TTLL8: variants seen among roughly 807,000 people sequenced by gnomAD.
TTLL8 encodes protein monoglycylase TTLL8.
A neutral mutation model predicts 77.8 loss-of-function variants in TTLL8; 65 were observed. That is an observed-to-expected ratio of 0.84 (90% CI 0.68 to 1.03). TTLL8 has a LOEUF of 1.03. Ranked by LOEUF, TTLL8 falls within the 50% of genes least tolerant of loss-of-function variation. The pLI, the probability that TTLL8 is intolerant of heterozygous loss-of-function variation, is 0.00. For missense variants in TTLL8, 910 were observed against 1,004.5 expected (o/e 0.91, Z 1.27); for synonymous variants, 402 against 422.8 (o/e 0.95, Z 0.60).
intron 12 of TTLL8, among the ~76,000 whole-genome samples, chr22:50,020,613 C>A (rs947805315): frequency 7.3e-6 from 1 of 136,080 alleles, no homozygotes. Flanking sequence ...CTCCATCTAA[C>A]GACGTGTACC....
At chr22:50,045,865 C>T (rs1354589823) in exon 5 of TTLL8, 2 of 1,351,422 alleles carry the variant, frequency 1.5e-6, no homozygotes, top group Non-Finnish European at 2.0e-6. Flanking sequence ...CCCAGGAACT[C>T]CTGCTGCTCA....
At chr22:50,031,902 G>A (rs1398018534) in exon 11 of TTLL8, 7 of 1,366,978 alleles carry the variant, frequency 5.1e-6, no homozygotes, top group African/African-American at 4.4e-5. Context: ...GAGGCTCCAC[G>A]TGGTCCTGGG....
chr22:50,048,558 GCCCA>G (rs2061426373), intron 3 of TTLL8, among the ~76,000 whole-genome samples: 1 of 152,148 alleles, frequency 6.6e-6, no homozygotes, highest in Non-Finnish European at 1.5e-5. Flanking sequence ...CCACACCACT[GCCCA>G]CGGACCTGTG....
intron 1 of TTLL8, among the ~76,000 whole-genome samples, chr22:50,051,888 A>G (rs1443508550): frequency 2.0e-5 from 3 of 152,172 alleles, no homozygotes; most frequent in African/African-American, 7.2e-5. Flanking sequence ...AGGAGTTTTC[A>G]AAGCAGAAGG....
intron 6 of TTLL8, among the ~76,000 whole-genome samples, chr22:50,042,732 C>T (rs778820582): frequency 1.3e-5 from 2 of 152,192 alleles, no homozygotes; most frequent in Non-Finnish European, 2.9e-5. Context: ...AAGTTTGAGA[C>T]TAGCCTGGGC....
At chr22:50,029,061 A>AC (rs777833386) in intron 12 of TTLL8, among the ~76,000 whole-genome samples, 9 of 9,962 alleles carry the variant, frequency 9.0e-4, no homozygotes, top group East Asian at 4.1e-3. Context: ...CGTCCTGAAG[A>AC]CCCCACACAC....
intron 12 of TTLL8, among the ~76,000 whole-genome samples, chr22:50,021,607 ACG>A (rs2061200772): frequency 1.4e-5 from 2 of 140,322 alleles, no homozygotes; most frequent in African/African-American, 2.8e-5. Context: ...CCATCTGACG[ACG>A]TGCACTCCTC....
intron 12 of TTLL8, among the ~76,000 whole-genome samples, chr22:50,024,434 T>G (rs1320499429): frequency 1.3e-5 from 2 of 152,194 alleles, no homozygotes; most frequent in African/African-American, 2.4e-5. Flanking sequence ...TTTGAAAACT[T>G]CGAAGACAGT....
intron 8 of TTLL8, among the ~76,000 whole-genome samples, chr22:50,040,432 C>A (rs959288384): frequency 1.3e-5 from 2 of 152,250 alleles, no homozygotes; most frequent in Non-Finnish European, 2.9e-5. Flanking sequence ...CGAGAGAGCA[C>A]AGACTGTTCC....
At position 50,034,193 on chromosome 22, in the gene TTLL8, C is replaced by A. The variant is rs2061318981; in HGVS notation, c.1039+152G>T. 1 of 804,696 alleles carries A rather than the reference C, an allele frequency of 1.2e-6. No individual in the cohort carries two copies. Among genetic ancestry groups the A allele is most frequent in the Non-Finnish European group, 1.5e-6 (1 of 665,024 alleles). The allele number at this position is 804,696 out of a possible 1,614,324, so 49.8% of individuals were successfully genotyped here. Reference sequence around the variant, plus strand: ...AGACGCCTCCAGCTCTGCTCCAGCGCCTGAGTCCTGACCCCCACGCCTGCC... The same window carrying A: ...AGACGCCTCCAGCTCTGCTCCAGCGACTGAGTCCTGACCCCCACGCCTGCC... On this transcript the variant is annotated intron_variant, in intron 9 of 13. Coordinates refer to ENST00000266182, the Ensembl canonical transcript of TTLL8. This position sits in a 1 kb window ranked among gnomAD's most constrained non-coding sequence, Gnocchi z 4.1.
intron 6 of TTLL8, among the ~76,000 whole-genome samples, chr22:50,042,266 A>C (rs1007541254): frequency 2.0e-5 from 3 of 152,256 alleles, no homozygotes; most frequent in African/African-American, 7.2e-5. Context: ...TATTACCTAG[A>C]GTATACAGAG....
intron 12 of TTLL8, among the ~76,000 whole-genome samples, 193 bp from the exon 14 acceptor site, chr22:50,018,984 G>A (rs1030915804): frequency 6.6e-6 from 1 of 152,216 alleles, no homozygotes; most frequent in African/African-American, 2.4e-5. Context: ...CTGTGCAAGC[G>A]ATGATGATAA....
chr22:50,041,673 G>A lies in TTLL8; in HGVS notation c.778C>T (p.Leu260Phe), dbSNP rs757454153. The A allele has an allele frequency of 9.5e-6, 13 of 1,367,120 alleles. No individual in the cohort carries two copies. The highest frequency in any genetic ancestry group is 1.3e-5 in the Non-Finnish European group (13 of 1,021,668). 84.7% of individuals were successfully genotyped at this position (1,367,120 alleles called of 1,614,324 possible). ...AGGTCCTCCCACTCGGCCTCAGTGA[G>A]GTCCTCCACGGCATCTGCTGACGTG... The change falls in exon 7 of 14, where the codon CTC becomes TTC. Residue 260 changes from leucine (L) to phenylalanine (F), a missense_variant. Around this residue, in one of 2 missense-constraint regions of TTLL8, gnomAD observed 776 missense variants for 926.1 expected, o/e 0.84. Coordinates refer to ENST00000266182, the Ensembl canonical transcript of TTLL8. This position sits in a 1 kb window ranked among gnomAD's most constrained non-coding sequence, Gnocchi z 4.3.
At chr22:50,026,688 A>T (rs1040455996) in intron 12 of TTLL8, among the ~76,000 whole-genome samples, 17 of 152,226 alleles carry the variant, frequency 1.1e-4, no homozygotes, top group Non-Finnish European at 4.4e-5. Context: ...CTGTGTGGGT[A>T]TCACACATGT....
At chr22:50,019,192 A>G (rs990995745) in intron 12 of TTLL8, among the ~76,000 whole-genome samples, 1 of 152,214 alleles carries the variant, frequency 6.6e-6, no homozygotes, top group African/African-American at 2.4e-5. Flanking sequence ...TGAGTAAAAC[A>G]CCAGAAACAG....
Position 50,034,554 on chromosome 22 carries a change from C to A in TTLL8, c.922-92G>T. 1.6e-6 allele frequency: 2 copies of A among 1,248,478 alleles called. No individual in the cohort carries two copies. Among genetic ancestry groups the A allele is most frequent in the Non-Finnish European group, 2.1e-6 (2 of 953,450 alleles). The allele number at this position is 1,248,478 out of a possible 1,614,324, so 77.3% of individuals were successfully genotyped here. On this transcript the variant is annotated intron_variant, in intron 8 of 13. Transcript: ENST00000266182. The surrounding 1 kb of genome is among the most constrained non-coding windows in gnomAD (Gnocchi z 4.1). ...GCATGAGACTTGGAGGCCTGGGCCC[C>A]GCCTCACCCACCAAGCAGGCGCTCG...
chr22:50,027,899 G>C (rs534142187), intron 12 of TTLL8, among the ~76,000 whole-genome samples: 1 of 152,382 alleles, frequency 6.6e-6, no homozygotes. Flanking sequence ...GTACGCACGG[G>C]TTGGAGTTGT....
intron 12 of TTLL8, among the ~76,000 whole-genome samples, chr22:50,024,674 G>C (rs2061221938): frequency 6.6e-6 from 1 of 152,218 alleles, no homozygotes; most frequent in African/African-American, 2.4e-5. Context: ...CAGACGGGGT[G>C]ATCTCACTAC....
intron 1 of TTLL8, among the ~76,000 whole-genome samples, chr22:50,053,722 G>A (rs1056617029): frequency 5.3e-5 from 8 of 152,206 alleles, no homozygotes; most frequent in African/African-American, 1.4e-4. Context: ...TTGGGACAGG[G>A]GTGGGGAATA....
Sources: allele counts gnomAD v4.1 joint callset (sites outside exome capture counted in the v4.1 genomes callset), GRCh38; gene constraint gnomAD v4.1.1; regional missense constraint gnomAD v4.1.1; non-coding constraint Gnocchi (gnomAD v3.1); transcripts MANE v1.5; gene names NCBI Gene and HGNC (gene_info 2026-07-23, HGNC 2026-07-21).